NAV2: variants seen among roughly 807,000 people sequenced by gnomAD.
NAV2 encodes helicase, APC down-regulated 1.
In NAV2, 54 loss-of-function variants were observed where a neutral mutation model predicts 223.2. That is an observed-to-expected ratio of 0.24 (90% CI 0.19 to 0.30). NAV2 has a LOEUF of 0.30. Ranked by LOEUF, NAV2 falls within the 10% of genes least tolerant of loss-of-function variation. The pLI is 1.00. For missense variants in NAV2, 2,806 were observed against 3,147.5 expected (o/e 0.89, Z 2.60); for synonymous variants, 1,279 against 1,239.3 (o/e 1.03, Z -0.67).
chr11:19,816,653 G>A (rs1323865048), intron 1 of NAV2, among the ~76,000 whole-genome samples: 2 of 152,110 alleles, frequency 1.3e-5, no homozygotes, highest in African/African-American at 2.4e-5. Context: ...GAAAATTCAG[G>A]GAAGTTTATG....
chr11:19,568,775 A>G (rs1042280981), intron 1 of NAV2, among the ~76,000 whole-genome samples: 6 of 151,946 alleles, frequency 3.9e-5, no homozygotes, highest in African/African-American at 1.5e-4. Context: ...TGCTAACGTC[A>G]CCTCCCCATT....
intron 1 of NAV2, among the ~76,000 whole-genome samples, chr11:19,408,270 T>G (rs1336223454): frequency 6.6e-6 from 1 of 152,126 alleles, no homozygotes; most frequent in Admixed American, 6.6e-5. Flanking sequence ...CATTAATTAT[T>G]TATATTCCAT....
At chr11:19,555,433 A>G (rs2044849331) in intron 1 of NAV2, among the ~76,000 whole-genome samples, 1 of 150,202 alleles carries the variant, frequency 6.7e-6, no homozygotes, top group Non-Finnish European at 1.5e-5. Context: ...ACAGCAGCCA[A>G]CACTCCCAGA....
chr11:19,933,531 G>A lies in NAV2; in HGVS notation c.1287G>A (p.Arg429=). The A allele has an allele frequency of 6.2e-7, 1 of 1,610,162 alleles. No individual in the cohort carries two copies. ...GGTCCCGGGACACAAGCTGTGAGCG[G>A]CTGGAGACTCTGCCCAGCTTCGAAG... The part of the protein sequence containing the change: ...GPGSRDTSCE[R]LETLPSFEES... Residue 429 remains arginine, a synonymous_variant, in exon 7 of 38, where the codon CGG becomes CGA. Coordinates refer to ENST00000349880, the MANE Select transcript of NAV2 (RefSeq NM_145117.5). The surrounding 1 kb of genome is among the most constrained non-coding windows in gnomAD (Gnocchi z 4.3).
intron 1 of NAV2, among the ~76,000 whole-genome samples, chr11:19,818,144 A>T (rs970695815): frequency 6.6e-6 from 1 of 150,594 alleles, no homozygotes; most frequent in Non-Finnish European, 1.5e-5. Context: ...CAAAACAAAG[A>T]GATTTCCAGT....
At chr11:20,092,575 C>A (rs1258480859) in intron 28 of NAV2, among the ~76,000 whole-genome samples, 4 of 152,086 alleles carry the variant, frequency 2.6e-5, no homozygotes, top group Non-Finnish European at 5.9e-5. Flanking sequence ...GCTCCAGCAC[C>A]CCAAATTCTC....
chr11:20,111,466 T>C (rs1387619942), intron 36 of NAV2, among the ~76,000 whole-genome samples: 2 of 152,246 alleles, frequency 1.3e-5, no homozygotes, highest in Non-Finnish European at 2.9e-5. Context: ...GACTTGAACA[T>C]GTCCAGTGAC....
At chr11:20,028,566 G>A (rs1464413036) in intron 11 of NAV2, among the ~76,000 whole-genome samples, 4 of 152,192 alleles carry the variant, frequency 2.6e-5, no homozygotes, top group African/African-American at 9.7e-5. Flanking sequence ...AAGCTGATCT[G>A]TATGTACTAT....
chr11:19,380,909 G>A (rs1391794520), intron 1 of NAV2, among the ~76,000 whole-genome samples: 1 of 152,184 alleles, frequency 6.6e-6, no homozygotes, highest in East Asian at 1.9e-4. Flanking sequence ...ACCAGGCTGA[G>A]CTTTCCACCC....
At position 19,868,985 on chromosome 11, in the gene NAV2, C is replaced by T. The variant is rs780036038; in HGVS notation, c.499C>T (p.Leu167=). ...AGCTAAGGGAATAAACATCCAGGGG[C>T]TGTCTGCAGAAGGTGAGTCAGAGCG... is the stretch of plus-strand genomic sequence containing the variant. ...LAAKGINIQG[L]SAEEIRNGNL... Residue 167 remains leucine, a synonymous_variant, in exon 4 of 38, where the codon CTG becomes TTG. Coordinates refer to ENST00000349880, the MANE Select transcript of NAV2 (RefSeq NM_145117.5). 2 of 1,613,798 alleles carry T rather than the reference C, an allele frequency of 1.2e-6. No homozygotes were observed. Among genetic ancestry groups the T allele is most frequent in the South Asian group, 1.1e-5 (1 of 91,076 alleles).
intron 10 of NAV2, among the ~76,000 whole-genome samples, chr11:19,982,870 A>C (rs2050424198): frequency 6.6e-6 from 1 of 152,234 alleles, no homozygotes; most frequent in Admixed American, 6.5e-5. Context: ...AAGAAATTCA[A>C]GGATTGGGAA....
intron 6 of NAV2, among the ~76,000 whole-genome samples, chr11:19,898,800 A>C (rs531900215): frequency 6.6e-6 from 1 of 152,220 alleles, no homozygotes; most frequent in African/African-American, 2.4e-5. Flanking sequence ...CTTTCTCTAC[A>C]TACTTGATAG....
chr11:19,827,464 A>C (rs2059699025), intron 1 of NAV2, among the ~76,000 whole-genome samples: 1 of 152,208 alleles, frequency 6.6e-6, no homozygotes, highest in African/African-American at 2.4e-5. Flanking sequence ...GCAGTTTGCC[A>C]GCCGCTGCCT....
chr11:19,387,175 A>G (rs958546638), intron 1 of NAV2, among the ~76,000 whole-genome samples: 5 of 152,134 alleles, frequency 3.3e-5, no homozygotes, highest in African/African-American at 1.2e-4. Context: ...GGTTCACGTT[A>G]ATCGTTTAAA....
chr11:19,549,524 G>A (rs1343693240), intron 1 of NAV2, among the ~76,000 whole-genome samples: 1 of 152,212 alleles, frequency 6.6e-6, no homozygotes, highest in Non-Finnish European at 1.5e-5. Context: ...CCTGACTACA[G>A]AGGAAGGAGG....
At chr11:19,911,694 A>C (rs1038609205) in intron 6 of NAV2, among the ~76,000 whole-genome samples, 6 of 152,156 alleles carry the variant, frequency 3.9e-5, no homozygotes, top group African/African-American at 1.2e-4. Context: ...TGGATGACCT[A>C]GAATGCCTAC....
At chr11:19,449,981 A>T (rs879454849) in intron 1 of NAV2, among the ~76,000 whole-genome samples, 12 of 152,156 alleles carry the variant, frequency 7.9e-5, no homozygotes, top group Admixed American at 1.3e-4. Context: ...AGGGAAAGAC[A>T]TGACAGGAAG....
chr11:19,844,843 A>G (rs2060702901), intron 3 of NAV2, among the ~76,000 whole-genome samples: 1 of 150,350 alleles, frequency 6.7e-6, no homozygotes, highest in African/African-American at 2.4e-5. Flanking sequence ...TTTTTAGAAC[A>G]CAAGAATATA....
intron 15 of NAV2, chr11:20,049,441 G>A (rs982088310): frequency 3.7e-6 from 2 of 541,720 alleles, no homozygotes; most frequent in Admixed American, 3.5e-5. Context: ...GCAGATTTAT[G>A]CTACCATTTG....
Sources: gnomAD v4.1 joint callset for allele counts (sites outside exome capture counted in the v4.1 genomes callset) on GRCh38, gnomAD v4.1.1 for gene constraint, Gnocchi (gnomAD v3.1) non-coding constraint, MANE v1.5 for transcripts, NCBI Gene and HGNC (gene_info 2026-07-23, HGNC 2026-07-21) for gene names.